Variants in KLC4 observed in about 807,000 individuals in gnomAD.
The protein encoded by KLC4 is kinesin-like protein 8.
In KLC4, 49 loss-of-function variants were observed where a neutral mutation model predicts 77.2. The ratio of observed to expected loss-of-function variants is 0.63; its 90% confidence interval spans 0.50 to 0.80. The LOEUF is 0.80. Among genes scored for constraint, KLC4 ranks in the 30% least tolerant of loss-of-function variants. The pLI is 0.00. For synonymous variants in KLC4, 274 were observed against 314.5 expected (o/e 0.87, Z 1.36); for missense variants, 669 against 793.5 (o/e 0.84, Z 1.89).
chr6:43,066,905 C>A (rs1765460676), intron 5 of KLC4, 91 bp from the exon 6 acceptor site: 2 of 1,538,628 alleles, frequency 1.3e-6, no homozygotes, highest in Admixed American at 1.9e-5. Flanking sequence ...GGTCTCCAAT[C>A]CTTAAATGTA....
chr6:43,072,045 T>C (rs1192791690), intron 11 of KLC4, 102 bp from the exon 12 acceptor site: 10 of 1,382,714 alleles, frequency 7.2e-6, no homozygotes, highest in Non-Finnish European at 3.1e-6. Context: ...CTGTTCCCTC[T>C]CCTATTTTCT....
rs1765917404 is a variant in KLC4, at chr6:43,074,941, C to T, written c.*269C>T. ...GTGGGTACAAAGCAGGTATGGCCCT[C>T]AGAGATGCAGCCTGCTGCTGGCTTT... On this transcript the variant is annotated 3_prime_UTR_variant, in exon 16 of 16. Transcript: ENST00000347162. 1 of 458,744 alleles carries T rather than the reference C, an allele frequency of 2.2e-6. No individual in the cohort carries two copies. Among genetic ancestry groups the T allele is most frequent in the Admixed American group, 3.7e-5 (1 of 27,184 alleles). 28.4% of individuals were successfully genotyped at this position (458,744 alleles called of 1,614,324 possible).
chr6:43,065,823 C>G (rs1765394827), intron 4 of KLC4, 122 bp downstream of exon 4: 2 of 681,684 alleles, frequency 2.9e-6, no homozygotes, highest in Non-Finnish European at 5.1e-6. Flanking sequence ...TCTCTGGAGA[C>G]AGGGCAGGGG....
At chr6:43,065,076 CT>C (rs377472660) in intron 3 of KLC4, among the ~76,000 whole-genome samples, 14 of 147,362 alleles carry the variant, frequency 9.5e-5, no homozygotes, top group South Asian at 6.5e-4. Context: ...TTTTTTTTTT[CT>C]TTTTTTTTTG....
At position 43,061,332 on chromosome 6, in the gene KLC4, C is replaced by A. The variant is rs765332151; in HGVS notation, c.-4C>A. The A allele has an allele frequency of 5.0e-6, 8 of 1,613,084 alleles. No homozygotes were observed. The East Asian group carries it at 1.3e-4, about 27-fold the overall frequency. On this transcript the variant is annotated 5_prime_UTR_variant, in exon 2 of 16. Coordinates refer to ENST00000347162, the MANE Select transcript of KLC4 (RefSeq NM_201521.3). ...CTAGACCGGGCAAGGTCCCCCAGGC[C>A]AGGATGTCAGGCCTGGTGTTGGGGC...
Position 43,072,194 on chromosome 6 carries a change from G to A in KLC4, c.1427G>A (p.Arg476His), listed in dbSNP as rs748079269. ...AGAAACCTGGGAGCTCTGTATAGGC[G>A]CCAGGGAAAGCTGGAGGCTGCTGAG... ...TLRNLGALYR[R>H]QGKLEAAETL... The change falls in exon 12 of 16, where the codon CGC becomes CAC. Residue 476 changes from arginine (R) to histidine (H), a missense_variant. Transcript: ENST00000347162. 97 of 1,614,036 alleles carry A rather than the reference G, an allele frequency of 6.0e-5. No individual in the cohort carries two copies. Among genetic ancestry groups the A allele is most frequent in the South Asian group, 1.3e-4 (12 of 91,088 alleles).
At chr6:43,059,761 G>T in intron 1 of KLC4, 76 bp downstream of exon 1, 1 of 1,204,794 alleles carries the variant, frequency 8.3e-7, no homozygotes, top group South Asian at 2.5e-5. Flanking sequence ...CCAGAAAGAT[G>T]AACAAACCCC....
At chr6:43,070,920 G>C (rs1461484196) in intron 8 of KLC4, 55 bp downstream of exon 8, 11 of 412,302 alleles carry the variant, frequency 2.7e-5, no homozygotes, top group Middle Eastern at 7.9e-4. Context: ...GCACAGAGGT[G>C]GGGGGAGGGG....
intron 6 of KLC4, among the ~76,000 whole-genome samples, chr6:43,068,209 C>G (rs1039182728): frequency 6.6e-5 from 10 of 150,836 alleles, no homozygotes; most frequent in Non-Finnish European, 3.0e-5. Flanking sequence ...CACAGTGGCT[C>G]ATGCCTGTAA....
intron 6 of KLC4, among the ~76,000 whole-genome samples, chr6:43,068,098 C>T (rs1416508429): frequency 4.4e-5 from 3 of 67,840 alleles, no homozygotes; most frequent in Admixed American, 2.4e-4. Flanking sequence ...GGCGACAGAG[C>T]GAGACTCCGT....
intron 14 of KLC4, 22 bp from the exon 15 acceptor site, chr6:43,073,880 A>T: frequency 1.9e-6 from 3 of 1,613,340 alleles, no homozygotes; most frequent in Non-Finnish European, 2.5e-6. Context: ...GGAGGCCTCA[A>T]TTCTTCCGTT....
chr6:43,071,411 AG>A (rs1197529145), intron 9 of KLC4, 37 bp downstream of exon 9: 5 of 1,576,148 alleles, frequency 3.2e-6, no homozygotes, highest in Non-Finnish European at 4.4e-6. Flanking sequence ...GCTGTGGGGA[AG>A]AAAAGAAATT....
At chr6:43,069,676 G>A (rs982710894) in intron 6 of KLC4, among the ~76,000 whole-genome samples, 4 of 151,856 alleles carry the variant, frequency 2.6e-5, no homozygotes, top group African/African-American at 4.8e-5. Context: ...TCAGCCTCCC[G>A]AGTAGCTGGG....
Position 43,060,670 on chromosome 6 carries a change from T to TG in KLC4, c.-25-635dup, listed in dbSNP as rs1765099441. ...GGAAGTGGGAACACAGTCTGAGTCC[T>TG]GGGGGGTGGGAAGTATGGGTTGAAG... On this transcript the variant is annotated intron_variant, in intron 1 of 15. Transcript: ENST00000347162. 7 of 1,057,826 alleles carry TG rather than the reference T, an allele frequency of 6.6e-6. No homozygotes were observed. In the South Asian group the frequency reaches 7.4e-5, roughly 11 times the overall value. 65.5% of individuals were successfully genotyped at this position (1,057,826 alleles called of 1,614,324 possible). A position where few individuals can be genotyped will look rare whatever the true frequency, so the allele number is the denominator to read the frequency against.
intron 4 of KLC4, among the ~76,000 whole-genome samples, chr6:43,065,973 T>C (rs183418541): frequency 6.6e-6 from 1 of 152,260 alleles, no homozygotes; most frequent in Admixed American, 6.5e-5. Context: ...GAGTTCACAG[T>C]CTAGTGGGAG....
At chr6:43,069,675 C>G (rs1188728869) in intron 6 of KLC4, among the ~76,000 whole-genome samples, 4 of 152,028 alleles carry the variant, frequency 2.6e-5, no homozygotes, top group African/African-American at 7.3e-5. Context: ...CTCAGCCTCC[C>G]GAGTAGCTGG....
Position 43,065,692 on chromosome 6 carries a change from A to C in KLC4, c.562A>C (p.Ser188Arg). 6.2e-7 allele frequency: 1 copy of C among 1,612,630 alleles called. No homozygotes were observed. Among genetic ancestry groups the C allele is most frequent in the Non-Finnish European group, 8.5e-7 (1 of 1,178,856 alleles). The change falls in exon 4 of 16, where the codon AGC becomes CGC. Residue 188 changes from serine (S) to arginine (R), a missense_variant. Ser to Arg is a moderately radical substitution (Grantham distance 110, BLOSUM62 -1). Transcript: ENST00000347162. Reference protein sequence around the residue: ...LFPNEEEEDPSNGLSRGQGAT... With the variant: ...LFPNEEEEDPRNGLSRGQGAT... ...TCCTAATGAGGAGGAAGAGGACCCCAGCAATGGCTGTGAGTCTGCCTCTGG... is the reference window on the plus strand; with the variant it reads ...TCCTAATGAGGAGGAAGAGGACCCCCGCAATGGCTGTGAGTCTGCCTCTGG...
At chr6:43,060,011 A>C in intron 1 of KLC4, 14 of 1,361,006 alleles carry the variant, frequency 1.0e-5, no homozygotes, top group East Asian at 3.2e-5. Flanking sequence ...CCTGGGCACC[A>C]GGGCAGGTCG....
intron 1 of KLC4, chr6:43,059,968 C>T: frequency 2.2e-6 from 3 of 1,345,348 alleles, no homozygotes; most frequent in South Asian, 1.6e-5. Context: ...CACACCTCCC[C>T]CCTGCCGCCC....
Sources: allele counts gnomAD v4.1 joint callset (sites outside exome capture counted in the v4.1 genomes callset), GRCh38; gene constraint gnomAD v4.1.1; transcripts MANE v1.5; gene names NCBI Gene and HGNC (gene_info 2026-07-23, HGNC 2026-07-21).